Variants in LRRC8B observed in about 807,000 individuals in gnomAD.
The protein encoded by LRRC8B is volume-regulated anion channel subunit LRRC8B.
LRRC8B carries 23 observed loss-of-function variants against 58.8 expected under a neutral mutation model. The observed-to-expected ratio is 0.39, with a 90% CI of 0.28 to 0.55. LRRC8B has a LOEUF of 0.55. LRRC8B is among the 20% of genes least tolerant of loss of function. The pLI, the probability that LRRC8B is intolerant of heterozygous loss-of-function variation, is 0.62. For synonymous variants in LRRC8B, 359 were observed against 374.1 expected (o/e 0.96, Z 0.47); for missense variants, 694 against 936.0 (o/e 0.74, Z 3.37).
intron 1 of LRRC8B, chr1:89,549,999 C>T (rs569189752): frequency 2.0e-5 from 3 of 152,220 alleles, no homozygotes; most frequent in African/African-American, 7.2e-5. Flanking sequence ...TTTTAAATAA[C>T]ACACTCATTA....
chr1:89,528,026 T>C (rs1339305451), intron 1 of LRRC8B, among the ~76,000 whole-genome samples: 1 of 152,232 alleles, frequency 6.6e-6, no homozygotes, highest in Non-Finnish European at 1.5e-5. Flanking sequence ...TTCTGACCTT[T>C]TTGCTGCTTT....
intron 3 of LRRC8B, among the ~76,000 whole-genome samples, chr1:89,574,989 T>C (rs1013389733): frequency 6.6e-6 from 1 of 152,202 alleles, no homozygotes; most frequent in Non-Finnish European, 1.5e-5. Flanking sequence ...AAGGGTCTTG[T>C]CCCACAGCAT....
chr1:89,563,149 A>C (rs1382748471), intron 1 of LRRC8B, among the ~76,000 whole-genome samples: 1 of 152,058 alleles, frequency 6.6e-6, no homozygotes, highest in Non-Finnish European at 1.5e-5. Context: ...GTTTTACATG[A>C]GTATAGATTT....
chr1:89,533,382 A>G (rs1650282194), intron 1 of LRRC8B, among the ~76,000 whole-genome samples: 1 of 152,172 alleles, frequency 6.6e-6, no homozygotes, highest in Non-Finnish European at 1.5e-5. Flanking sequence ...CACAGTGTGC[A>G]GTCATACCCC....
intron 1 of LRRC8B, among the ~76,000 whole-genome samples, 170 bp from the exon 2 acceptor site, chr1:89,568,077 A>G (rs1340928809): frequency 6.6e-6 from 1 of 152,166 alleles, no homozygotes; most frequent in African/African-American, 2.4e-5. Context: ...AGAAGCATAG[A>G]TACTTTCAGT....
intron 1 of LRRC8B, among the ~76,000 whole-genome samples, chr1:89,561,448 A>G (rs1388513833): frequency 1.6e-5 from 2 of 125,694 alleles, no homozygotes; most frequent in Non-Finnish European, 3.4e-5. Flanking sequence ...TGTTTTAGAC[A>G]TGAAGTCCTT....
Position 89,597,408 on chromosome 1 carries a change from T to C in LRRC8B, c.*4365T>C, listed in dbSNP as rs1655348051. 6.6e-6 allele frequency: 1 copy of C among 152,232 alleles called. No individual in the cohort carries two copies. The allele number at this position is 152,232 out of a possible 1,614,324, so 9.4% of individuals were successfully genotyped here. A position where few individuals can be genotyped will look rare whatever the true frequency, so the allele number is the denominator to read the frequency against. On this transcript the variant is annotated 3_prime_UTR_variant, in exon 6 of 6. Transcript: ENST00000330947. ...CCTTCTGCATGTTGTACATTATCTC[T>C]AACAGAGATGGTGCAATTTTAAGAA...
chr1:89,531,431 G>A (rs1006968484), intron 1 of LRRC8B, among the ~76,000 whole-genome samples: 1 of 152,170 alleles, frequency 6.6e-6, no homozygotes, highest in African/African-American at 2.4e-5. Context: ...GAAAGAACAG[G>A]GGCTGAGAGC....
chr1:89,593,662 A>ATT lies in LRRC8B; in HGVS notation c.*620_*621dup, dbSNP rs1182512897. The ATT allele has an allele frequency of 6.6e-6, 1 of 152,180 alleles. No homozygotes were observed. Among genetic ancestry groups the ATT allele is most frequent in the East Asian group, 1.9e-4 (1 of 5,188 alleles). 9.4% of individuals were successfully genotyped at this position (152,180 alleles called of 1,614,324 possible). ...CCTCCTTGCAGTGTTTACCTTCAAG[A>ATT]TTGTATAGGTATTCTCTCCTCTTCT... On this transcript the variant is annotated 3_prime_UTR_variant, in exon 6 of 6. Transcript: ENST00000330947.
At position 89,594,074 on chromosome 1, in the gene LRRC8B, TTTTA is replaced by T. The variant is rs1468857039; in HGVS notation, c.*1035_*1038del. The T allele has an allele frequency of 2.6e-5, 4 of 151,784 alleles. No homozygotes were observed. Among genetic ancestry groups the T allele is most frequent in the Admixed American group, 2.6e-4 (4 of 15,260 alleles). The allele number at this position is 151,784 out of a possible 1,614,324, so 9.4% of individuals were successfully genotyped here. On this transcript the variant is annotated 3_prime_UTR_variant, in exon 6 of 6. Transcript: ENST00000330947. Reference sequence around the variant, plus strand: ...CTTCTTGTCTATCATCAAGGCCTTTTTTTATTTGTTAAGAATTTTTATATTAAAT... The same window carrying T: ...CTTCTTGTCTATCATCAAGGCCTTTTTTTGTTAAGAATTTTTATATTAAAT...
At chr1:89,553,584 G>C (rs1651968492) in intron 1 of LRRC8B, among the ~76,000 whole-genome samples, 2 of 152,110 alleles carry the variant, frequency 1.3e-5, no homozygotes, top group South Asian at 4.1e-4. Flanking sequence ...GTATTACCTA[G>C]TCTAAAAAAG....
In LRRC8B at chr1:89,593,117, A is replaced by T; in HGVS notation, c.*74A>T. On this transcript the variant is annotated 3_prime_UTR_variant, in exon 6 of 6. Coordinates refer to ENST00000330947, the MANE Select transcript of LRRC8B (RefSeq NM_001369817.2). ...CGGCCGGGCGTGGTGGCTCATGCCT[A>T]TAATCCCAGCACTTTGGGAGGCCAA... The T allele has an allele frequency of 6.8e-7, 1 of 1,478,342 alleles. No homozygotes were observed. Among genetic ancestry groups the T allele is most frequent in the Non-Finnish European group, 9.3e-7 (1 of 1,078,618 alleles). The allele number at this position is 1,478,342 out of a possible 1,614,324, so 91.6% of individuals were successfully genotyped here. A position where few individuals can be genotyped will look rare whatever the true frequency, so the allele number is the denominator to read the frequency against.
chr1:89,531,684 C>T (rs1368364288), intron 1 of LRRC8B, among the ~76,000 whole-genome samples: 1 of 152,190 alleles, frequency 6.6e-6, no homozygotes, highest in Non-Finnish European at 1.5e-5. Flanking sequence ...AGCCTGGCTG[C>T]ATCAGTGCAG....
intron 1 of LRRC8B, among the ~76,000 whole-genome samples, chr1:89,550,599 T>C (rs1651726109): frequency 6.6e-6 from 1 of 152,212 alleles, no homozygotes; most frequent in Non-Finnish European, 1.5e-5. Flanking sequence ...TAGCCTTGCT[T>C]TGATATGAAA....
chr1:89,549,158 T>G (rs937059974), intron 1 of LRRC8B, among the ~76,000 whole-genome samples: 1 of 152,030 alleles, frequency 6.6e-6, no homozygotes, highest in African/African-American at 2.4e-5. Context: ...ATAAACAACA[T>G]AAGTATATAG....
intron 1 of LRRC8B, among the ~76,000 whole-genome samples, chr1:89,548,035 T>C (rs1256499247): frequency 6.6e-6 from 1 of 152,252 alleles, no homozygotes; most frequent in African/African-American, 2.4e-5. Context: ...TGACAGCCTT[T>C]CTAAATATTG....
intron 1 of LRRC8B, among the ~76,000 whole-genome samples, chr1:89,539,587 G>C (rs1557594328): frequency 6.6e-6 from 1 of 152,180 alleles, no homozygotes; most frequent in Non-Finnish European, 1.5e-5. Context: ...AGTCTGCATG[G>C]AAAGTGTAAT....
At chr1:89,549,853 T>C (rs1353716658) in intron 1 of LRRC8B, 1 of 152,170 alleles carries the variant, frequency 6.6e-6, no homozygotes, top group East Asian at 1.9e-4. Flanking sequence ...AAGTCCAACA[T>C]TGGCCCAAGT....
chr1:89,567,511 A>G (rs906634629), intron 1 of LRRC8B, among the ~76,000 whole-genome samples: 5 of 152,310 alleles, frequency 3.3e-5, no homozygotes, highest in African/African-American at 9.6e-5. Context: ...AAAATGTTCA[A>G]TTCAACTCAA....
Sources: allele counts gnomAD v4.1 joint callset (sites outside exome capture counted in the v4.1 genomes callset), GRCh38; gene constraint gnomAD v4.1.1; transcripts MANE v1.5; gene names NCBI Gene and HGNC (gene_info 2026-07-23, HGNC 2026-07-21).